Variants in BRPF1 observed in about 807,000 individuals in gnomAD.
The protein encoded by BRPF1 is bromodomain and PHD finger containing 1, also known as peregrin.
Under a neutral mutation model 115.0 loss-of-function variants are expected in BRPF1, and 15 were observed. That is an observed-to-expected ratio of 0.13 (90% CI 0.09 to 0.20). The LOEUF is 0.20. Ranked by LOEUF, BRPF1 falls within the 10% of genes least tolerant of loss-of-function variation. The pLI is 1.00. For missense variants in BRPF1, 1,118 were observed against 1,638.3 expected (o/e 0.68, Z 5.48); for synonymous variants, 647 against 619.8 (o/e 1.04, Z -0.65).
rs1029405031 is a variant in BRPF1 at position 9,746,366 on chromosome 3, C to G, written c.3391C>G (p.Leu1131Val). 1.6e-5 allele frequency: 26 copies of G among 1,609,400 alleles called. No individual in the cohort carries two copies. The highest frequency in any genetic ancestry group is 2.2e-5 in the Non-Finnish European group (26 of 1,176,786). ...TGGGGTTCCCATCCCTGTGCCCCCA[C>G]TGGAGGTGCTGAAACTTGGGGAGCA... Reference protein sequence around the residue: ...HHGVPIPVPPLEVLKLGEQMT... With the variant: ...HHGVPIPVPPVEVLKLGEQMT... Residue 1131 changes from leucine to valine, a missense_variant, in exon 13 of 14, where the codon CTG becomes GTG. Physicochemically the swap from Leu to Val is conservative, Grantham distance 32 (BLOSUM62 1). Coordinates refer to ENST00000383829, the MANE Select transcript of BRPF1 (RefSeq NM_001003694.2).
In BRPF1 at chr3:9,746,526, AG is replaced by A. The variant is rs370675536; in HGVS notation, c.3479+74del. 894 of 1,427,180 alleles carry A rather than the reference AG, an allele frequency of 6.3e-4. 6 individuals carry two copies. In the African/African-American group the frequency reaches 0.011, roughly 18 times the overall value. The allele number at this position is 1,427,180 out of a possible 1,614,324, so 88.4% of individuals were successfully genotyped here. Reference sequence around the variant, plus strand: ...CTGTGTGGTATGGGGGCAGACTGCCAGGAAACTCCAGCAACAGGCAGACTGG... The same window carrying A: ...CTGTGTGGTATGGGGGCAGACTGCCAGAAACTCCAGCAACAGGCAGACTGG... On this transcript the variant is annotated intron_variant, in intron 13 of 13. Coordinates refer to ENST00000383829, the MANE Select transcript of BRPF1 (RefSeq NM_001003694.2).
chr3:9,745,498 G>C lies in BRPF1; in HGVS notation c.3069-75G>C. 2.0e-6 allele frequency: 3 copies of C among 1,533,182 alleles called. No homozygotes were observed. The highest frequency in any genetic ancestry group is 2.7e-6 in the Non-Finnish European group (3 of 1,113,156). 95.0% of individuals were successfully genotyped at this position (1,533,182 alleles called of 1,614,324 possible). ...AAGTCTCAGACCCTGCGGGCTTTAA[G>C]AGCTGAGGGCACATACCATGCTGTT... On this transcript the variant is annotated intron_variant, in intron 10 of 13. Transcript: ENST00000383829. This position sits in a 1 kb window ranked among gnomAD's most constrained non-coding sequence, Gnocchi z 5.1.
rs1218855988 is a variant in BRPF1, at chr3:9,745,002, A to C, written c.2921-6A>C. 1 of 1,614,122 alleles carries C rather than the reference A, an allele frequency of 6.2e-7. No homozygotes were observed. Among genetic ancestry groups the C allele is most frequent in the Non-Finnish European group, 8.5e-7 (1 of 1,180,022 alleles). ...TCCTTCCCTCCTCCCCTTCCCTTCA[A>C]CCAAGACTTACCAGCCAATGGCTTC... On this transcript the variant is annotated splice_region_variant and splice_polypyrimidine_tract_variant and intron_variant, in intron 9 of 13. Coordinates refer to ENST00000383829, the MANE Select transcript of BRPF1 (RefSeq NM_001003694.2). This position sits in a 1 kb window ranked among gnomAD's most constrained non-coding sequence, Gnocchi z 5.1.
chr3:9,739,581 A>C lies in BRPF1; in HGVS notation c.1182A>C (p.Ser394=). 1.1e-5 allele frequency: 17 copies of C among 1,612,526 alleles called. No homozygotes were observed. Among genetic ancestry groups the C allele is most frequent in the Non-Finnish European group, 1.4e-5 (17 of 1,178,698 alleles). Residue 394 remains serine (S), a synonymous_variant, in exon 3 of 14, where the codon TCA becomes TCC. Transcript: ENST00000383829. ...GCTACATTTGCAAACAACGGGGCTC[A>C]GGGGCCTGCATCCAGTGCCACAAGG... The part of the protein sequence containing the change: ...LTCYICKQRG[S]GACIQCHKAN...
rs1438718276 is a variant in BRPF1 at position 9,743,543 on chromosome 3, T to C, written c.2312-35T>C. The stretch of plus-strand genomic sequence containing the variant: ...GTTCAAGGGGCCCTGAGGGCTGCCC[T>C]GAGTCTGACCTTTCCCCTCCAACCC... On this transcript the variant is annotated intron_variant, in intron 7 of 13. Transcript: ENST00000383829. This position sits in a 1 kb window ranked among gnomAD's most constrained non-coding sequence, Gnocchi z 6.1. 1 of 1,588,802 alleles carries C rather than the reference T, an allele frequency of 6.3e-7. No individual in the cohort carries two copies. Among genetic ancestry groups the C allele is most frequent in the Non-Finnish European group, 8.6e-7 (1 of 1,165,566 alleles).
At chr3:9,740,678 C>T (rs1575157875) in intron 3 of BRPF1, 101 bp from the exon 4 acceptor site, 5 of 1,424,858 alleles carry the variant, frequency 3.5e-6, no homozygotes, top group South Asian at 2.5e-5. Flanking sequence ...GAGATCCTCT[C>T]CCTTCATCCC....
chr3:9,734,046 G>A lies in BRPF1; in HGVS notation c.-10-85G>A, dbSNP rs13085155. 62,207 of 1,507,468 alleles carry A rather than the reference G, an allele frequency of 0.041. 1,591 individuals are homozygous for A. Among genetic ancestry groups the A allele is most frequent in the Admixed American group, 0.087 (3,887 of 44,900 alleles). 93.4% of individuals were successfully genotyped at this position (1,507,468 alleles called of 1,614,324 possible). ...CAGAATCTGGTGACTCCAAGTGAGG[G>A]GGAGGGCTAGAAAGACTGGGGTCTC... On this transcript the variant is annotated intron_variant, in intron 1 of 13. Coordinates refer to ENST00000383829, the MANE Select transcript of BRPF1 (RefSeq NM_001003694.2). The surrounding 1 kb of genome is among the most constrained non-coding windows in gnomAD (Gnocchi z 5.7).
chr3:9,735,426 C>T (rs1249977398), intron 2 of BRPF1, among the ~76,000 whole-genome samples: 1 of 152,198 alleles, frequency 6.6e-6, no homozygotes, highest in Non-Finnish European at 1.5e-5. Flanking sequence ...GTTTCTGATT[C>T]CTGGTCCTCT....
At chr3:9,740,657 C>T (rs1225395734) in intron 3 of BRPF1, 122 bp from the exon 4 acceptor site, 2 of 1,292,830 alleles carry the variant, frequency 1.5e-6, no homozygotes, top group Non-Finnish European at 2.2e-6. Flanking sequence ...AGTCCCAGGC[C>T]TTTTGGACAA....
At position 9,740,770 on chromosome 3, in the gene BRPF1, G is replaced by A; in HGVS notation, c.1560-9G>A. On this transcript the variant is annotated splice_polypyrimidine_tract_variant and intron_variant, in intron 3 of 13. Coordinates refer to ENST00000383829, the MANE Select transcript of BRPF1 (RefSeq NM_001003694.2). Reference sequence around the variant, plus strand: ...CAACAAGTTTTACTCTTTGTTTCCTGCCTCCCAGGCTTAGTAAAATCACCA... The same window carrying A: ...CAACAAGTTTTACTCTTTGTTTCCTACCTCCCAGGCTTAGTAAAATCACCA... The A allele has an allele frequency of 6.2e-7, 1 of 1,612,482 alleles. No homozygotes were observed. The highest frequency in any genetic ancestry group is 8.5e-7 in the Non-Finnish European group (1 of 1,178,600).
intron 2 of BRPF1, among the ~76,000 whole-genome samples, chr3:9,737,469 C>T (rs1219122847): frequency 6.6e-6 from 1 of 152,236 alleles, no homozygotes; most frequent in Non-Finnish European, 1.5e-5. Context: ...CACCACTTTA[C>T]AGATGAACAA....
intron 6 of BRPF1, 112 bp downstream of exon 6, chr3:9,742,283 C>G (rs773776846): frequency 3.0e-4 from 465 of 1,529,938 alleles, no homozygotes; most frequent in Non-Finnish European, 3.7e-4. Context: ...GGGCTGGTGG[C>G]TCTGGGGCAG....
At position 9,747,413 on chromosome 3, in the gene BRPF1, C is replaced by T. The variant is rs1024937377; in HGVS notation, c.*64C>T. On this transcript the variant is annotated 3_prime_UTR_variant, in exon 14 of 14. Coordinates refer to ENST00000383829, the MANE Select transcript of BRPF1 (RefSeq NM_001003694.2). The surrounding 1 kb of genome is among the most constrained non-coding windows in gnomAD (Gnocchi z 5.6). Reference sequence around the variant, plus strand: ...TTCTCTCCTCCCCTTTGCTCACTGTCCTGGAGTGGCACCGGCCTCTGCACT... The same window carrying T: ...TTCTCTCCTCCCCTTTGCTCACTGTTCTGGAGTGGCACCGGCCTCTGCACT... 5.6e-5 allele frequency: 88 copies of T among 1,570,746 alleles called. No homozygotes were observed. The highest frequency in any genetic ancestry group is 6.0e-5 in the Non-Finnish European group (69 of 1,149,724).
chr3:9,737,803 G>C (rs961249069), intron 2 of BRPF1, among the ~76,000 whole-genome samples: 1 of 152,222 alleles, frequency 6.6e-6, no homozygotes, highest in Non-Finnish European at 1.5e-5. Flanking sequence ...GGTTGCTGGA[G>C]CCTGATGGGG....
chr3:9,732,990 G>C (rs1419603881), intron 1 of BRPF1, among the ~76,000 whole-genome samples: 3 of 152,192 alleles, frequency 2.0e-5, no homozygotes, highest in East Asian at 1.9e-4. Context: ...GGGGAGCGGG[G>C]AGGGAGGGCC....
intron 2 of BRPF1, among the ~76,000 whole-genome samples, chr3:9,736,065 G>T (rs2076936245): frequency 8.2e-6 from 1 of 121,582 alleles, no homozygotes; most frequent in Non-Finnish European, 1.6e-5. Flanking sequence ...AGGCTGGAGT[G>T]CAGTGGCGTG....
chr3:9,736,128 C>T (rs2076937617), intron 2 of BRPF1, among the ~76,000 whole-genome samples: 1 of 150,740 alleles, frequency 6.6e-6, no homozygotes, highest in Non-Finnish European at 1.5e-5. Context: ...ACGCCTCAGC[C>T]TCCCGAGTAG....
intron 2 of BRPF1, among the ~76,000 whole-genome samples, chr3:9,736,436 C>G (rs1444785429): frequency 6.6e-6 from 1 of 152,190 alleles, no homozygotes; most frequent in Non-Finnish European, 1.5e-5. Context: ...CAGTCCAACT[C>G]CACTTCCTTC....
Position 9,745,899 on chromosome 3 carries a change from A to G in BRPF1, c.3293A>G (p.Lys1098Arg). Residue 1098 changes from lysine to arginine, a missense_variant, in exon 12 of 14, where the codon AAA (lysine) becomes AGA (arginine). Physicochemically the swap from Lys to Arg is conservative, Grantham distance 26. Coordinates refer to ENST00000383829, the MANE Select transcript of BRPF1 (RefSeq NM_001003694.2). This position sits in a 1 kb window ranked among gnomAD's most constrained non-coding sequence, Gnocchi z 5.1. Reference protein sequence around the residue: ...PLDALDLVWAKCRGYPSYPAL... With the variant: ...PLDALDLVWARCRGYPSYPAL... ...GATGCTCTGGACCTCGTGTGGGCCA[A>G]ATGCCGAGGCTATCCATCATACCCA... 1.2e-6 allele frequency: 2 copies of G among 1,614,006 alleles called. No homozygotes were observed. The highest frequency in any genetic ancestry group is 1.7e-6 in the Non-Finnish European group (2 of 1,179,950).
Sources: gnomAD v4.1 joint callset for allele counts (sites outside exome capture counted in the v4.1 genomes callset) on GRCh38, gnomAD v4.1.1 for gene constraint, Gnocchi (gnomAD v3.1) non-coding constraint, MANE v1.5 for transcripts, NCBI Gene and HGNC (gene_info 2026-07-23, HGNC 2026-07-21) for gene names.